Variants in FCHSD2 observed in about 807,000 individuals in gnomAD.
The protein encoded by FCHSD2 is FCH and double SH3 domains 2, also known as F-BAR and double SH3 domains protein 2.
FCHSD2 carries 38 observed loss-of-function variants against 108.1 expected under a neutral mutation model. The observed-to-expected ratio is 0.35, with a 90% CI of 0.27 to 0.46. The LOEUF (loss-of-function observed/expected upper bound fraction) is 0.46. FCHSD2 is among the 20% of genes least tolerant of loss of function. FCHSD2 has a pLI of 1.00. For synonymous variants in FCHSD2, 279 were observed against 314.7 expected (o/e 0.89, Z 1.20); for missense variants, 751 against 897.8 (o/e 0.84, Z 2.09).
chr11:73,023,796 A>G (rs1858164225), intron 3 of FCHSD2, among the ~76,000 whole-genome samples: 1 of 152,262 alleles, frequency 6.6e-6, no homozygotes, highest in African/African-American at 2.4e-5. Flanking sequence ...ACTGTGGTAC[A>G]TAATTATAAT....
At chr11:73,008,820 C>T (rs1857798220) in intron 4 of FCHSD2, among the ~76,000 whole-genome samples, 1 of 150,946 alleles carries the variant, frequency 6.6e-6, no homozygotes, top group East Asian at 1.9e-4. Flanking sequence ...CAAGCAGCTA[C>T]TTAACATTTC....
intron 2 of FCHSD2, among the ~76,000 whole-genome samples, chr11:73,087,292 C>A (rs1859841230): frequency 6.6e-6 from 1 of 151,190 alleles, no homozygotes; most frequent in South Asian, 2.1e-4. Context: ...TACAGTTGTA[C>A]AATATGTGTT....
chr11:72,940,832 C>T, intron 8 of FCHSD2: 2 of 901,076 alleles, frequency 2.2e-6, no homozygotes, highest in Non-Finnish European at 3.7e-6. Context: ...CACTGTGGGG[C>T]TCTTAGAGTC....
intron 8 of FCHSD2, among the ~76,000 whole-genome samples, chr11:72,924,844 C>G (rs1412788371): frequency 6.6e-6 from 1 of 151,954 alleles, no homozygotes; most frequent in Non-Finnish European, 1.5e-5. Context: ...GTAACATAAC[C>G]AGAGACACTG....
At chr11:73,006,026 G>A (rs1857733919) in intron 4 of FCHSD2, among the ~76,000 whole-genome samples, 1 of 151,130 alleles carries the variant, frequency 6.6e-6, no homozygotes, top group African/African-American at 2.4e-5. Context: ...TCCCGCCTCA[G>A]CCTCCCAAGT....
At chr11:72,935,828 A>G (rs1280521783) in intron 8 of FCHSD2, among the ~76,000 whole-genome samples, 2 of 152,204 alleles carry the variant, frequency 1.3e-5, no homozygotes, top group Non-Finnish European at 2.9e-5. Context: ...AAGGAAGTTT[A>G]TGTCTGTAAA....
chr11:72,964,587 G>A (rs2135376982), intron 8 of FCHSD2, among the ~76,000 whole-genome samples: 1 of 152,252 alleles, frequency 6.6e-6, no homozygotes, highest in Admixed American at 6.5e-5. Context: ...CATACAGTAA[G>A]CACTCTCTTC....
intron 8 of FCHSD2, among the ~76,000 whole-genome samples, chr11:72,978,854 C>CTTTTT (rs1190277188): frequency 6.9e-4 from 77 of 110,830 alleles, no homozygotes; most frequent in Non-Finnish European, 8.3e-4. Context: ...GTAGCTCTTT[C>CTTTTT]TTTTTTTTTT....
At chr11:73,087,273 A>G (rs931685491) in intron 2 of FCHSD2, among the ~76,000 whole-genome samples, 3 of 152,200 alleles carry the variant, frequency 2.0e-5, no homozygotes, top group Non-Finnish European at 2.9e-5. Context: ...TATAAAGAAA[A>G]TATTTTTATA....
chr11:72,872,230 T>C (rs1019162311), intron 12 of FCHSD2, among the ~76,000 whole-genome samples: 45 of 151,992 alleles, frequency 3.0e-4, no homozygotes, highest in African/African-American at 1.0e-3. Flanking sequence ...TAAAACTTTA[T>C]TGACATATAG....
At chr11:73,116,941 C>T (rs1860618403) in intron 2 of FCHSD2, among the ~76,000 whole-genome samples, 1 of 55,270 alleles carries the variant, frequency 1.8e-5, no homozygotes, top group Non-Finnish European at 3.5e-5. Context: ...AAAACCTTTC[C>T]ATTTTTCCCC....
intron 2 of FCHSD2, among the ~76,000 whole-genome samples, chr11:73,086,473 A>G (rs1859819717): frequency 6.6e-6 from 1 of 152,226 alleles, no homozygotes; most frequent in Non-Finnish European, 1.5e-5. Context: ...TTACAACTTA[A>G]GGAACTAGAA....
At chr11:72,927,341 G>A (rs762005386) in intron 8 of FCHSD2, among the ~76,000 whole-genome samples, 1 of 152,190 alleles carries the variant, frequency 6.6e-6, no homozygotes, top group Non-Finnish European at 1.5e-5. Flanking sequence ...TGTCTAAACT[G>A]AGAATGTACA....
At chr11:72,993,526 T>C (rs1433020369) in intron 5 of FCHSD2, among the ~76,000 whole-genome samples, 3 of 152,100 alleles carry the variant, frequency 2.0e-5, no homozygotes, top group African/African-American at 7.2e-5. Flanking sequence ...CCAACAATGA[T>C]AGACTGGATT....
At chr11:73,134,362 C>T (rs1861073684) in intron 2 of FCHSD2, among the ~76,000 whole-genome samples, 1 of 151,982 alleles carries the variant, frequency 6.6e-6, no homozygotes, top group Admixed American at 6.6e-5. Context: ...CCCAGCTACT[C>T]AGGAGGCTGA....
chr11:73,034,589 C>T (rs1432871068), intron 3 of FCHSD2, among the ~76,000 whole-genome samples: 3 of 152,202 alleles, frequency 2.0e-5, no homozygotes, highest in Non-Finnish European at 4.4e-5. Flanking sequence ...AAACACAATA[C>T]TCAGAACTCA....
chr11:73,053,775 T>C (rs145851714), intron 3 of FCHSD2, among the ~76,000 whole-genome samples: 6 of 152,320 alleles, frequency 3.9e-5, no homozygotes, highest in African/African-American at 1.4e-4. Flanking sequence ...AAAAAAGTTA[T>C]GACTATAGCA....
chr11:72,852,016 A>AT (rs1861302814), intron 13 of FCHSD2, among the ~76,000 whole-genome samples: 1 of 151,728 alleles, frequency 6.6e-6, no homozygotes, highest in Non-Finnish European at 1.5e-5. Flanking sequence ...AGATGGGACT[A>AT]TAGGTGTGCA....
Position 73,141,908 on chromosome 11 carries a change from G to T in FCHSD2, c.-31C>A. 6.5e-7 allele frequency: 1 copy of T among 1,540,866 alleles called. No individual in the cohort carries two copies. ...TGAAGGGACATCAATCCTCCCCGACGGCAGCGTTAGCAAGGACCAGGAGGA... is the reference window on the plus strand; with the variant it reads ...TGAAGGGACATCAATCCTCCCCGACTGCAGCGTTAGCAAGGACCAGGAGGA... On this transcript the variant is annotated 5_prime_UTR_variant, in exon 1 of 20. Coordinates refer to ENST00000409418, the MANE Select transcript of FCHSD2 (RefSeq NM_014824.3).
Sources: gnomAD v4.1 joint callset for allele counts (sites outside exome capture counted in the v4.1 genomes callset) on GRCh38, gnomAD v4.1.1 for gene constraint, MANE v1.5 for transcripts, NCBI Gene and HGNC (gene_info 2026-07-23, HGNC 2026-07-21) for gene names.